The following UNC13C variants were observed in gnomAD, a reference collection of about 807,000 sequenced individuals.
UNC13C encodes unc-13 homolog C.
In UNC13C, 174 loss-of-function variants were observed where a neutral mutation model predicts 245.4. That is an observed-to-expected ratio of 0.71 (90% CI 0.63 to 0.80). The LOEUF (loss-of-function observed/expected upper bound fraction) is 0.80, where lower values mean the gene tolerates loss of function less well. Ranked by LOEUF, UNC13C falls within the 30% of genes least tolerant of loss-of-function variation. The pLI is 0.00. For missense variants in UNC13C, 2,829 were observed against 2,602.9 expected (o/e 1.09, Z -1.89); for synonymous variants, 992 against 895.1 (o/e 1.11, Z -1.93).
chr15:54,038,119 TA>T (rs371084245), intron 2 of UNC13C, among the ~76,000 whole-genome samples: 1,232 of 64,676 alleles, frequency 0.019, 36 homozygotes, highest in South Asian at 0.068. Flanking sequence ...TATATATATA[TA>T]TATATTTTTT....
intron 4 of UNC13C, among the ~76,000 whole-genome samples, chr15:54,197,076 T>C (rs1166414927): frequency 6.6e-6 from 1 of 151,958 alleles, no homozygotes; most frequent in Non-Finnish European, 1.5e-5. Context: ...AAAAGAAAAA[T>C]TAAAGGTATA....
chr15:54,010,883 A>AT (rs1468531885), intron 1 of UNC13C, among the ~76,000 whole-genome samples: 1 of 152,098 alleles, frequency 6.6e-6, no homozygotes, highest in Non-Finnish European at 1.5e-5. Flanking sequence ...TTATGATGAC[A>AT]TTATTGAGAT....
the UNC13C span, among the ~76,000 whole-genome samples, chr15:53,898,206 CCATCAT>C: frequency 2.0e-5 from 3 of 150,880 alleles, no homozygotes; most frequent in African/African-American, 4.9e-5. Context: ...ACCACCACCA[CCATCAT>C]CATCATCATC....
rs1567067119 is a variant in UNC13C, at chr15:54,172,735, T to TAA, written c.3071+29052_3071+29053insAA. 4.8e-3 allele frequency among the ~76,000 whole-genome samples: 550 copies of TAA among 115,444 alleles called. 18 individuals are homozygous for TAA. The highest frequency in any genetic ancestry group is 9.2e-3 in the Middle Eastern group (2 of 218). 75.7% of individuals were successfully genotyped at this position (115,444 alleles called of 152,430 possible). On this transcript the variant is annotated intron_variant, in intron 4 of 32. Transcript: ENST00000260323. ...ATATATATATATATATATATATATA[T>TAA]ATATATATATATATATATATATATA...
chr15:54,286,743 A>G (rs867944043), intron 10 of UNC13C, among the ~76,000 whole-genome samples: 93 of 152,356 alleles, frequency 6.1e-4, no homozygotes, highest in African/African-American at 2.2e-3. Context: ...AAATTGGCCA[A>G]ATAAGTGATT....
At chr15:54,507,860 A>G (rs1199144503) in intron 23 of UNC13C, among the ~76,000 whole-genome samples, 1 of 151,950 alleles carries the variant, frequency 6.6e-6, no homozygotes, top group Admixed American at 6.6e-5. Flanking sequence ...CTGAAAAAAA[A>G]AAGTGTTTAA....
intron 10 of UNC13C, among the ~76,000 whole-genome samples, chr15:54,285,040 T>A (rs2037106359): frequency 6.6e-6 from 1 of 152,164 alleles, no homozygotes; most frequent in Admixed American, 6.6e-5. Context: ...GCCCTTTGTT[T>A]CTATGATCTG....
At chr15:54,203,030 A>T (rs2034572849) in intron 4 of UNC13C, among the ~76,000 whole-genome samples, 1 of 151,976 alleles carries the variant, frequency 6.6e-6, no homozygotes, top group Non-Finnish European at 1.5e-5. Context: ...TCAAAGGAAG[A>T]TATAAAAATG....
chr15:53,867,696 C>T, the UNC13C span, among the ~76,000 whole-genome samples: 4 of 152,160 alleles, frequency 2.6e-5, no homozygotes, highest in Non-Finnish European at 4.4e-5. Flanking sequence ...ACTCACCTTG[C>T]CACTGTGAGG....
chr15:54,533,195 A>C (rs1895839476), intron 26 of UNC13C, 129 bp downstream of exon 26: 1 of 641,650 alleles, frequency 1.6e-6, no homozygotes, highest in Non-Finnish European at 2.6e-6. Context: ...AAATGAATTC[A>C]AAGATAAATA....
intron 2 of UNC13C, among the ~76,000 whole-genome samples, chr15:54,119,313 G>A (rs1016967003): frequency 6.9e-6 from 1 of 144,648 alleles, no homozygotes; most frequent in African/African-American, 2.4e-5. Flanking sequence ...ATCACATTTG[G>A]TAATTCTTGA....
intron 18 of UNC13C, among the ~76,000 whole-genome samples, chr15:54,408,665 C>G (rs2040356922): frequency 6.6e-6 from 1 of 151,928 alleles, no homozygotes; most frequent in Non-Finnish European, 1.5e-5. Flanking sequence ...TGAAGTAAAT[C>G]AGTAAAAATT....
At chr15:54,198,329 A>G (rs1384061789) in intron 4 of UNC13C, among the ~76,000 whole-genome samples, 1 of 152,084 alleles carries the variant, frequency 6.6e-6, no homozygotes, top group Admixed American at 6.6e-5. Context: ...CCCTAGGGGA[A>G]GTTTGCATCC....
chr15:54,452,362 C>T (rs890830462), intron 19 of UNC13C, among the ~76,000 whole-genome samples: 3 of 152,144 alleles, frequency 2.0e-5, no homozygotes, highest in African/African-American at 7.2e-5. Flanking sequence ...GCTCAATGCT[C>T]TGGTTCCCAA....
chr15:53,963,422 G>C, the UNC13C span, among the ~76,000 whole-genome samples: 2 of 152,126 alleles, frequency 1.3e-5, no homozygotes, highest in African/African-American at 2.4e-5. Flanking sequence ...TGTGTGACCT[G>C]AAGCAAATTT....
intron 24 of UNC13C, among the ~76,000 whole-genome samples, chr15:54,515,486 C>T (rs930630978): frequency 1.3e-5 from 2 of 151,982 alleles, no homozygotes; most frequent in African/African-American, 4.8e-5. Flanking sequence ...ATTGCTGCAG[C>T]CCATGAAAAG....
intron 2 of UNC13C, among the ~76,000 whole-genome samples, chr15:54,047,572 T>C (rs1897093766): frequency 6.6e-6 from 1 of 152,180 alleles, no homozygotes; most frequent in African/African-American, 2.4e-5. Flanking sequence ...TTGTAGCATT[T>C]ATCAGAATTT....
At chr15:54,441,807 C>A (rs76912629) in intron 19 of UNC13C, among the ~76,000 whole-genome samples, 1 of 151,902 alleles carries the variant, frequency 6.6e-6, no homozygotes, top group East Asian at 1.9e-4. Context: ...AATATTTCTT[C>A]TTCTAATCCA....
the UNC13C span, among the ~76,000 whole-genome samples, chr15:53,920,905 C>A: frequency 1.1e-4 from 16 of 151,034 alleles, no homozygotes; most frequent in Non-Finnish European, 2.4e-4. Context: ...AATCACACTT[C>A]TATTAATAGC....
Sources: gnomAD v4.1 joint callset for allele counts (sites outside exome capture counted in the v4.1 genomes callset) on GRCh38, gnomAD v4.1.1 for gene constraint, MANE v1.5 for transcripts, NCBI Gene and HGNC (gene_info 2026-07-23, HGNC 2026-07-21) for gene names.